The following REEP1 variants were observed in gnomAD, a reference collection of about 807,000 sequenced individuals.
REEP1 encodes receptor accessory protein 1.
REEP1 carries 22 observed loss-of-function variants against 40.3 expected under a neutral mutation model. The observed-to-expected ratio is 0.55, with a 90% CI of 0.39 to 0.78. REEP1 has a LOEUF of 0.78. REEP1 is among the 30% of genes least tolerant of loss of function. The pLI, the probability that REEP1 is intolerant of heterozygous loss-of-function variation, is 0.00. For synonymous variants in REEP1, 116 were observed against 139.2 expected, an observed-to-expected ratio of 0.83 and a Z score of 1.17; for missense variants, 280 against 361.1, an observed-to-expected ratio of 0.78 and a Z score of 1.82.
At chr2:86,254,941 C>T in intron 3 of REEP1, 127 bp from the exon 4 acceptor site, 4 of 962,850 alleles carry the variant, frequency 4.2e-6, no homozygotes, top group Non-Finnish European at 6.4e-6. Context: ...TTCCCAGATT[C>T]CTCTGTCCTC....
At chr2:86,250,154 C>T (rs1386613834) in intron 5 of REEP1, among the ~76,000 whole-genome samples, 1 of 152,196 alleles carries the variant, frequency 6.6e-6, no homozygotes, top group Non-Finnish European at 1.5e-5. Flanking sequence ...GAGGCTCCAT[C>T]TTGAGGCAGA....
At chr2:86,323,789 G>A (rs1680381311) in intron 1 of REEP1, among the ~76,000 whole-genome samples, 1 of 152,156 alleles carries the variant, frequency 6.6e-6, no homozygotes. Context: ...TACTAACACA[G>A]CGTGGCACTG....
intron 1 of REEP1, among the ~76,000 whole-genome samples, chr2:86,303,304 C>T (rs1020413439): frequency 6.7e-6 from 1 of 150,234 alleles, no homozygotes; most frequent in African/African-American, 2.4e-5. Context: ...GCAAGCTCCG[C>T]CTCCCAGGTT....
chr2:86,237,424 G>A (rs1675422308), intron 5 of REEP1, among the ~76,000 whole-genome samples: 1 of 152,222 alleles, frequency 6.6e-6, no homozygotes, highest in Admixed American at 6.5e-5. Context: ...TGATTCGGGA[G>A]ACTCTGAAAG....
At position 86,307,835 on chromosome 2, in the gene REEP1, T is replaced by C. The variant is rs564179828; in HGVS notation, c.33-25593A>G. Among the ~76,000 whole-genome samples the C allele has an allele frequency of 3.3e-5, 5 of 152,286 alleles. No individual in the cohort carries two copies. The East Asian group carries it at 9.6e-4, about 29-fold the overall frequency. On this transcript the variant is annotated intron_variant, in intron 1 of 8. Coordinates refer to ENST00000538924, the MANE Select transcript of REEP1 (RefSeq NM_001371279.1). The stretch of plus-strand genomic sequence containing the variant: ...GAAGTGAAATACAAAATTCTTAATA[T>C]GTATAATTACAATAATATATTTTTA...
chr2:86,337,966 T>C (rs1342134503), upstream of REEP1: 4 of 1,440,620 alleles, frequency 2.8e-6, no homozygotes, highest in Non-Finnish European at 9.4e-7. This position sits in a 1 kb window ranked among gnomAD's most constrained non-coding sequence, Gnocchi z 5.8. Context: ...TGCACCTGTC[T>C]AGGTGGGATG....
chr2:86,287,438 GCA>G (rs1256420669), intron 1 of REEP1, among the ~76,000 whole-genome samples: 1 of 152,092 alleles, frequency 6.6e-6, no homozygotes, highest in Non-Finnish European at 1.5e-5. Context: ...AAATAAATTT[GCA>G]CAGTCTTCCA....
At chr2:86,242,730 A>T (rs559067345) in intron 5 of REEP1, among the ~76,000 whole-genome samples, 1 of 152,320 alleles carries the variant, frequency 6.6e-6, no homozygotes, top group South Asian at 2.1e-4. Flanking sequence ...AAAGGCTAGG[A>T]TCAGGGTCGG....
intron 7 of REEP1, among the ~76,000 whole-genome samples, chr2:86,225,853 G>A (rs1674654111): frequency 6.6e-6 from 1 of 152,224 alleles, no homozygotes; most frequent in Admixed American, 6.5e-5. Flanking sequence ...TCTATGGGGA[G>A]CCAGGCAGTG....
intron 1 of REEP1, among the ~76,000 whole-genome samples, chr2:86,306,192 C>T (rs981749003): frequency 1.3e-5 from 2 of 152,044 alleles, no homozygotes; most frequent in Non-Finnish European, 2.9e-5. Context: ...GCAATCCAGC[C>T]CATACCTGCT....
At chr2:86,225,594 G>A (rs1369636317) in intron 7 of REEP1, among the ~76,000 whole-genome samples, 1 of 152,210 alleles carries the variant, frequency 6.6e-6, no homozygotes, top group African/African-American at 2.4e-5. Context: ...TTCTATAAAG[G>A]ACTTAAAAAG....
At chr2:86,311,065 T>C (rs1275439442) in intron 1 of REEP1, among the ~76,000 whole-genome samples, 2 of 152,124 alleles carry the variant, frequency 1.3e-5, no homozygotes, top group Admixed American at 1.3e-4. Context: ...GATGGCACTC[T>C]GGAGAGGGTA....
intron 1 of REEP1, among the ~76,000 whole-genome samples, chr2:86,334,039 C>T (rs1386235559): frequency 1.3e-5 from 2 of 152,228 alleles, no homozygotes; most frequent in Non-Finnish European, 2.9e-5. Context: ...CTCTGCTTGT[C>T]CCCAGGGCCT....
At chr2:86,279,511 T>C (rs889015538) in intron 2 of REEP1, among the ~76,000 whole-genome samples, 2 of 152,196 alleles carry the variant, frequency 1.3e-5, no homozygotes, top group African/African-American at 4.8e-5. Context: ...AAGATGTCCA[T>C]GTCCTAATCC....
chr2:86,229,155 A>AG (rs1674877512), intron 6 of REEP1, among the ~76,000 whole-genome samples: 1 of 152,190 alleles, frequency 6.6e-6, no homozygotes, highest in African/African-American at 2.4e-5. Flanking sequence ...TAGGCTGAAT[A>AG]GGGACTATTC....
intron 5 of REEP1, among the ~76,000 whole-genome samples, chr2:86,246,850 C>T (rs1190575414): frequency 2.6e-5 from 4 of 151,766 alleles, no homozygotes; most frequent in Non-Finnish European, 5.9e-5. Flanking sequence ...TACAGGCATG[C>T]ACCACCACGC....
chr2:86,326,970 C>G (rs1680538484), intron 1 of REEP1, among the ~76,000 whole-genome samples: 1 of 152,230 alleles, frequency 6.6e-6, no homozygotes, highest in Non-Finnish European at 1.5e-5. Context: ...GGCCTTAACT[C>G]TTGGCCTAGC....
At chr2:86,252,436 C>T (rs1020501848) in intron 4 of REEP1, among the ~76,000 whole-genome samples, 1 of 151,940 alleles carries the variant, frequency 6.6e-6, no homozygotes. Context: ...TGCCCAGAAC[C>T]GAGCTTCTAG....
rs190775614 is a variant in REEP1, at chr2:86,300,677, A to G, written c.33-18435T>C. Among the ~76,000 whole-genome samples, 641 of 151,838 alleles carry G rather than the reference A, an allele frequency of 4.2e-3. 10 individuals are homozygous for G. Among genetic ancestry groups the G allele is most frequent in the African/African-American group, 0.015 (620 of 41,394 alleles). On this transcript the variant is annotated intron_variant, in intron 1 of 8. Coordinates refer to ENST00000538924, the MANE Select transcript of REEP1 (RefSeq NM_001371279.1). Reference sequence around the variant, plus strand: ...CCCAGGGCCGCATGACTCAGCTGCAACTCCCTGCCTCTTTACAATAAAGAG... The same window carrying G: ...CCCAGGGCCGCATGACTCAGCTGCAGCTCCCTGCCTCTTTACAATAAAGAG...
Sources: allele counts gnomAD v4.1 joint callset (sites outside exome capture counted in the v4.1 genomes callset), GRCh38; gene constraint gnomAD v4.1.1; non-coding constraint Gnocchi (gnomAD v3.1); transcripts MANE v1.5; gene names NCBI Gene and HGNC (gene_info 2026-07-23, HGNC 2026-07-21).